The following PEX7 variants were observed in gnomAD, a reference collection of about 807,000 sequenced individuals.
PEX7 encodes the protein peroxisomal biogenesis factor 7.
In PEX7, 34 loss-of-function variants were observed where a neutral mutation model predicts 47.5. That is an observed-to-expected ratio of 0.72 (90% CI 0.54 to 0.95). PEX7 has a LOEUF of 0.95. Ranked by LOEUF, PEX7 falls within the 40% of genes least tolerant of loss-of-function variation. The pLI, the probability that PEX7 is intolerant of heterozygous loss-of-function variation, is 0.00. For missense variants in PEX7, 394 were observed against 400.3 expected (o/e 0.98, Z 0.13); for synonymous variants, 141 against 148.8 (o/e 0.95, Z 0.38).
chr6:136,899,644 T>A (rs1775718177), intron 9 of PEX7, among the ~76,000 whole-genome samples: 1 of 151,972 alleles, frequency 6.6e-6, no homozygotes, highest in Non-Finnish European at 1.5e-5. Context: ...CCTCCCAAAG[T>A]GCTGGGATTA....
intron 5 of PEX7, 80 bp from the exon 6 acceptor site, chr6:136,866,547 G>T: frequency 8.5e-7 from 1 of 1,180,390 alleles, no homozygotes; most frequent in South Asian, 1.3e-5. Flanking sequence ...ATTTTTACTT[G>T]ACTTATTATT....
intron 8 of PEX7, among the ~76,000 whole-genome samples, chr6:136,874,264 C>A (rs935820779): frequency 2.0e-5 from 3 of 152,162 alleles, no homozygotes; most frequent in African/African-American, 7.2e-5. Flanking sequence ...GGAGTACTTT[C>A]TTGATAACTT....
intron 5 of PEX7, among the ~76,000 whole-genome samples, chr6:136,857,691 C>G (rs1426041102): frequency 6.6e-6 from 1 of 152,052 alleles, no homozygotes; most frequent in Non-Finnish European, 1.5e-5. Context: ...AACCTCTTGT[C>G]TCCTCATTCC....
intron 3 of PEX7, among the ~76,000 whole-genome samples, chr6:136,843,731 C>T: frequency 6.6e-6 from 1 of 152,190 alleles, no homozygotes; most frequent in East Asian, 1.9e-4. Flanking sequence ...CAGATGGCCA[C>T]AGCAGCTCTT....
chr6:136,822,788 C>A lies in PEX7; in HGVS notation c.123C>A (p.Gly41=). ...RLACATAQHY[G]IAGCGTLLIL... Reference sequence around the variant, plus strand: ...CCTGCGCCACCGCGCAGCACTACGGCATCGCGGGTGAGGCGGCGCCGCGCA... The same window carrying A: ...CCTGCGCCACCGCGCAGCACTACGGAATCGCGGGTGAGGCGGCGCCGCGCA... The change falls in exon 1 of 10, where the codon GGC becomes GGA. Residue 41 remains glycine, a synonymous_variant. Coordinates refer to ENST00000318471, the MANE Select transcript of PEX7 (RefSeq NM_000288.4). 1 of 1,342,312 alleles carries A rather than the reference C, an allele frequency of 7.4e-7. No homozygotes were observed. Among genetic ancestry groups the A allele is most frequent in the Non-Finnish European group, 9.5e-7 (1 of 1,052,032 alleles). The allele number at this position is 1,342,312 out of a possible 1,614,324, so 83.2% of individuals were successfully genotyped here.
At chr6:136,854,252 A>G (rs1774815831) in intron 5 of PEX7, among the ~76,000 whole-genome samples, 1 of 152,102 alleles carries the variant, frequency 6.6e-6, no homozygotes, top group Non-Finnish European at 1.5e-5. Context: ...GCTGGAGTGC[A>G]GTGGTACAAT....
At chr6:136,878,759 TTTC>T (rs1324584094) in intron 8 of PEX7, among the ~76,000 whole-genome samples, 1 of 152,242 alleles carries the variant, frequency 6.6e-6, no homozygotes, top group Non-Finnish European at 1.5e-5. Context: ...CTCTTTCATA[TTTC>T]TTGATAAAAA....
intron 3 of PEX7, among the ~76,000 whole-genome samples, chr6:136,827,504 TTGTGTGTG>T (rs5880309): frequency 0.036 from 5,142 of 140,952 alleles, 126 homozygotes; most frequent in Middle Eastern, 0.078. Flanking sequence ...CTGTGTGAAT[TTGTGTGTG>T]TGTGTGTGTG....
intron 8 of PEX7, among the ~76,000 whole-genome samples, chr6:136,874,989 AT>A (rs1000627643): frequency 6.6e-6 from 1 of 152,048 alleles, no homozygotes; most frequent in African/African-American, 2.4e-5. Context: ...AAAATACAAA[AT>A]TAGCTGGGCG....
chr6:136,872,228 T>C lies in PEX7; in HGVS notation c.778T>C (p.Ser260Pro). ...ACCATTTCATGCTTCTGTGCTGGCC[T>C]CTTGCTCGTATGATTTTACTGTAAG... ...FSPFHASVLA[S>P]CSYDFTVRFW... The change falls in exon 8 of 10, where the codon TCT (serine) becomes CCT (proline). Residue 260 changes from serine (S) to proline (P), a missense_variant. Coordinates refer to ENST00000318471, the MANE Select transcript of PEX7 (RefSeq NM_000288.4). 1 of 1,610,232 alleles carries C rather than the reference T, an allele frequency of 6.2e-7. No individual in the cohort carries two copies. Among genetic ancestry groups the C allele is most frequent in the Non-Finnish European group, 8.5e-7 (1 of 1,179,102 alleles).
chr6:136,883,702 C>G (rs545552137), intron 8 of PEX7, among the ~76,000 whole-genome samples: 176 of 152,230 alleles, frequency 1.2e-3, no homozygotes, highest in African/African-American at 3.4e-3. Context: ...CCTGCATATT[C>G]AGCTGTTTCT....
At chr6:136,822,842 G>GGGGGCCGGGGCC (rs11283064) in intron 1 of PEX7, 47 bp downstream of exon 1, 2 of 1,231,682 alleles carry the variant, frequency 1.6e-6, no homozygotes, top group Non-Finnish European at 2.0e-6. Context: ...AGGCGGAGGC[G>GGGGGCCGGGGCC]GGGGCCAGCC....
chr6:136,855,597 C>T (rs188962400), intron 5 of PEX7: 54 of 183,202 alleles, frequency 2.9e-4, no homozygotes, highest in African/African-American at 1.2e-3. Context: ...GCCTTGGCCT[C>T]CCAAAGTGCT....
At chr6:136,866,998 T>C (rs551088721) in intron 6 of PEX7, among the ~76,000 whole-genome samples, 17 of 152,346 alleles carry the variant, frequency 1.1e-4, no homozygotes, top group African/African-American at 4.1e-4. Context: ...GAAGCTGCCT[T>C]ATGTAATTTT....
chr6:136,903,355 T>TTC (rs1775787161), intron 9 of PEX7, among the ~76,000 whole-genome samples: 1 of 149,448 alleles, frequency 6.7e-6, no homozygotes, highest in Admixed American at 6.7e-5. Context: ...TTTTTTTTTT[T>TTC]CATAGAGACA....
At chr6:136,864,809 G>A (rs1249943599) in intron 5 of PEX7, among the ~76,000 whole-genome samples, 1 of 152,108 alleles carries the variant, frequency 6.6e-6, no homozygotes, top group Admixed American at 6.6e-5. Context: ...TGCATGTTGG[G>A]CATTCTGTGT....
intron 3 of PEX7, among the ~76,000 whole-genome samples, chr6:136,834,190 TTTTTG>T (rs944816324): frequency 1.2e-4 from 18 of 152,076 alleles, no homozygotes; most frequent in Admixed American, 1.2e-3. Context: ...AAAGGGACAT[TTTTTG>T]TTTTGTTTTT....
intron 8 of PEX7, among the ~76,000 whole-genome samples, chr6:136,896,200 G>A (rs1775647438): frequency 6.6e-6 from 1 of 152,152 alleles, no homozygotes; most frequent in Non-Finnish European, 1.5e-5. Context: ...AATTCTCGTT[G>A]TTTTGTATTA....
intron 4 of PEX7, 31 bp downstream of exon 4, chr6:136,845,723 A>T: frequency 7.7e-7 from 1 of 1,299,184 alleles, no homozygotes; most frequent in Non-Finnish European, 1.1e-6. Context: ...TCAAAAACGA[A>T]TATTCCCTTC....
Sources: allele counts gnomAD v4.1 joint callset (sites outside exome capture counted in the v4.1 genomes callset), GRCh38; gene constraint gnomAD v4.1.1; transcripts MANE v1.5; gene names NCBI Gene and HGNC (gene_info 2026-07-23, HGNC 2026-07-21).